SLC5A12: variants seen among roughly 807,000 people sequenced by gnomAD.
SLC5A12 encodes sodium-coupled monocarboxylate transporter 2.
SLC5A12 carries 46 observed loss-of-function variants against 72.7 expected under a neutral mutation model. The ratio of observed to expected loss-of-function variants is 0.63; its 90% CI spans 0.50 to 0.81. The LOEUF is 0.81. SLC5A12 is among the 30% of genes least tolerant of loss of function. SLC5A12 has a pLI of 0.00. For synonymous variants in SLC5A12, 275 were observed against 264.4 expected, an observed-to-expected ratio of 1.04 and a Z score of -0.39; for missense variants, 683 against 740.7, an observed-to-expected ratio of 0.92 and a Z score of 0.90.
At chr11:26,719,540 C>CT (rs1388525723) in intron 1 of SLC5A12, among the ~76,000 whole-genome samples, 1 of 152,102 alleles carries the variant, frequency 6.6e-6, no homozygotes, top group East Asian at 1.9e-4. Flanking sequence ...TTGATCTTAT[C>CT]TTTTACCATT....
chr11:26,684,953 C>T (rs150841679), intron 10 of SLC5A12, among the ~76,000 whole-genome samples: 218 of 152,298 alleles, frequency 1.4e-3, no homozygotes, highest in Non-Finnish European at 1.9e-3. Flanking sequence ...AACCTCACCA[C>T]CTTGCCACTT....
intron 3 of SLC5A12, among the ~76,000 whole-genome samples, chr11:26,710,483 T>G (rs1345457494): frequency 1.3e-5 from 2 of 152,134 alleles, no homozygotes; most frequent in African/African-American, 2.4e-5. Flanking sequence ...AGCATTCCTA[T>G]TTCTCCACAT....
At chr11:26,692,969 T>C (rs1195622346) in intron 8 of SLC5A12, among the ~76,000 whole-genome samples, 2 of 152,190 alleles carry the variant, frequency 1.3e-5, no homozygotes, top group Non-Finnish European at 2.9e-5. Context: ...GTGACTACTC[T>C]AACCCAGGAA....
At chr11:26,709,469 CA>C (rs1234773293) in intron 3 of SLC5A12, 90 bp from the exon 4 acceptor site, 1 of 982,998 alleles carries the variant, frequency 1.0e-6, no homozygotes, top group African/African-American at 1.6e-5. Context: ...ATATTTTTAT[CA>C]GTGTTCTTTG....
At chr11:26,698,061 C>G (rs914894136) in intron 7 of SLC5A12, among the ~76,000 whole-genome samples, 17 of 151,942 alleles carry the variant, frequency 1.1e-4, no homozygotes, top group Admixed American at 1.1e-3. Context: ...CCTTGCCTGG[C>G]TAATTTTTGT....
chr11:26,697,313 GAAGA>G, intron 7 of SLC5A12, 61 bp from the exon 8 acceptor site: 1 of 1,441,134 alleles, frequency 6.9e-7, no homozygotes, highest in Non-Finnish European at 9.5e-7. Context: ...AAAGAAAAGA[GAAGA>G]GAGAGAAAAA....
At chr11:26,715,792 G>A (rs1855337681) in intron 1 of SLC5A12, among the ~76,000 whole-genome samples, 1 of 152,100 alleles carries the variant, frequency 6.6e-6, no homozygotes, top group Admixed American at 6.5e-5. Flanking sequence ...GAGACTAAAG[G>A]TAACAAGGAC....
chr11:26,672,264 A>G (rs1316231489), intron 14 of SLC5A12, among the ~76,000 whole-genome samples: 1 of 148,580 alleles, frequency 6.7e-6, no homozygotes, highest in Non-Finnish European at 1.5e-5. Flanking sequence ...TGGAGATAAG[A>G]GCAATGGACA....
chr11:26,708,760 G>T (rs909834832), intron 4 of SLC5A12, among the ~76,000 whole-genome samples: 9 of 151,998 alleles, frequency 5.9e-5, no homozygotes, highest in Admixed American at 5.3e-4. Context: ...TAAACATGCT[G>T]TCAATACAAC....
chr11:26,674,613 A>G (rs4298854), intron 13 of SLC5A12, among the ~76,000 whole-genome samples: 82,188 of 151,802 alleles, frequency 0.54, 22,462 homozygotes, highest in Middle Eastern at 0.63. Context: ...ATGTTGGCCA[A>G]GCTGGTCTCA....
chr11:26,711,203 C>T lies in SLC5A12; in HGVS notation c.457+104G>A, dbSNP rs1855218861. 5 of 924,774 alleles carry T rather than the reference C, an allele frequency of 5.4e-6. 1 individual carries two copies. In the South Asian group the frequency reaches 7.1e-5, roughly 13 times the overall value. The allele number at this position is 924,774 out of a possible 1,614,324, so 57.3% of individuals were successfully genotyped here. ...CTAATAGTAATTCAGAATCCTCTAA[C>T]CAGAAGAATATCTCCCCAACAAAGT... is the stretch of plus-strand genomic sequence containing the variant. On this transcript the variant is annotated intron_variant, in intron 3 of 14. Transcript: ENST00000396005.
intron 10 of SLC5A12, 91 bp downstream of exon 10, chr11:26,686,386 C>T: frequency 8.8e-7 from 1 of 1,138,582 alleles, no homozygotes; most frequent in East Asian, 2.3e-5. Flanking sequence ...TAAATGTCAG[C>T]CTTTGGATCT....
intron 4 of SLC5A12, among the ~76,000 whole-genome samples, chr11:26,704,804 T>A (rs914935554): frequency 1.3e-5 from 2 of 152,098 alleles, no homozygotes; most frequent in African/African-American, 4.8e-5. Context: ...GGATCTGGCT[T>A]GCACAACTAG....
rs1854041071 is a variant in SLC5A12, at chr11:26,668,105, A to C, written c.*2997T>G. On this transcript the variant is annotated 3_prime_UTR_variant, in exon 15 of 15. Coordinates refer to ENST00000396005, the MANE Select transcript of SLC5A12 (RefSeq NM_178498.4). ...AAACTAAGATTTTAAAATATTGCCC[A>C]AAATTACCTAGATTTGTGTCAGAAC... 6.6e-6 allele frequency: 1 copy of C among 151,972 alleles called. No homozygotes were observed. Among genetic ancestry groups the C allele is most frequent in the Non-Finnish European group, 1.5e-5 (1 of 67,968 alleles). The allele number at this position is 151,972 out of a possible 1,614,324, so 9.4% of individuals were successfully genotyped here. A position where few individuals can be genotyped will look rare whatever the true frequency, so the allele number is the denominator to read the frequency against.
intron 13 of SLC5A12, among the ~76,000 whole-genome samples, chr11:26,674,342 A>G (rs760937914): frequency 6.6e-6 from 1 of 151,848 alleles, no homozygotes; most frequent in Non-Finnish European, 1.5e-5. Flanking sequence ...TACTGTGACC[A>G]TCCACAAACT....
chr11:26,681,646 C>G (rs1854413722), intron 11 of SLC5A12, among the ~76,000 whole-genome samples: 1 of 152,086 alleles, frequency 6.6e-6, no homozygotes, highest in Non-Finnish European at 1.5e-5. Context: ...TCCTAAGTAA[C>G]CAGCAGAGTC....
At chr11:26,706,713 A>G (rs1371016721) in intron 4 of SLC5A12, among the ~76,000 whole-genome samples, 1 of 151,790 alleles carries the variant, frequency 6.6e-6, no homozygotes, top group Non-Finnish European at 1.5e-5. Context: ...ATGATAAAAC[A>G]TTTAAGTCTG....
chr11:26,703,006 G>A (rs2133194690), intron 6 of SLC5A12, among the ~76,000 whole-genome samples: 1 of 152,242 alleles, frequency 6.6e-6, no homozygotes, highest in East Asian at 1.9e-4. Flanking sequence ...TTGCTTCCAT[G>A]TCTAATCTAT....
chr11:26,686,932 A>G (rs750618226), intron 9 of SLC5A12, among the ~76,000 whole-genome samples: 17 of 152,226 alleles, frequency 1.1e-4, no homozygotes, highest in Non-Finnish European at 1.9e-4. Flanking sequence ...AAAAGAAGCT[A>G]CTAATTCCAG....
Sources: allele counts gnomAD v4.1 joint callset (sites outside exome capture counted in the v4.1 genomes callset), GRCh38; gene constraint gnomAD v4.1.1; transcripts MANE v1.5; gene names NCBI Gene and HGNC (gene_info 2026-07-23, HGNC 2026-07-21).